CACNA1B: variants seen among roughly 807,000 people sequenced by gnomAD.
CACNA1B encodes the protein calcium voltage-gated channel subunit alpha1 B.
A neutral mutation model predicts 247.2 loss-of-function variants in CACNA1B; 70 were observed. The observed-to-expected ratio is 0.28, with a 90% CI of 0.23 to 0.35. The LOEUF (loss-of-function observed/expected upper bound fraction) is 0.35, where lower values mean the gene tolerates loss of function less well. CACNA1B is among the 10% of genes least tolerant of loss of function. The probability of loss-of-function intolerance (pLI) is 1.00; values close to 1 mark genes in which losing one functional copy is unlikely to be tolerated. For missense variants in CACNA1B, 2,367 were observed against 3,197.4 expected (o/e 0.74, Z 6.26); for synonymous variants, 1,231 against 1,294.4 (o/e 0.95, Z 1.05).
chr9:138,011,667 G>T lies in CACNA1B; in HGVS notation c.2161-1462G>T, dbSNP rs932640519. On this transcript the variant is annotated intron_variant, in intron 17 of 46. Transcript: ENST00000371372. This position sits in a 1 kb window ranked among gnomAD's most constrained non-coding sequence, Gnocchi z 4.2. ...CCCAGAGGGTGGGAAGCTGGATGCAGCCGGATCTGCGAGGAGGGACCTGGG... is the reference window on the plus strand; with the variant it reads ...CCCAGAGGGTGGGAAGCTGGATGCATCCGGATCTGCGAGGAGGGACCTGGG... 2.9e-4 allele frequency among the ~76,000 whole-genome samples: 44 copies of T among 152,204 alleles called. No individual in the cohort carries two copies. Among genetic ancestry groups the T allele is most frequent in the African/African-American group, 1.0e-3 (42 of 41,458 alleles).
At chr9:138,074,826 T>TA (rs1960259348) in intron 34 of CACNA1B, among the ~76,000 whole-genome samples, 1 of 152,232 alleles carries the variant, frequency 6.6e-6, no homozygotes, top group South Asian at 2.1e-4. Context: ...GGCGGTCGGT[T>TA]ATCCTGTTAG....
At chr9:138,001,714 G>T (rs889696523) in intron 15 of CACNA1B, among the ~76,000 whole-genome samples, 1 of 152,002 alleles carries the variant, frequency 6.6e-6, no homozygotes, top group African/African-American at 2.4e-5. Context: ...CAGTATTGCT[G>T]AACATAGGAT....
rs944158605 is a variant in CACNA1B, at chr9:138,012,045, C to T, written c.2161-1084C>T. Among the ~76,000 whole-genome samples, 1 of 152,220 alleles carries T rather than the reference C, an allele frequency of 6.6e-6. No homozygotes were observed. The highest frequency in any genetic ancestry group is 2.4e-5 in the African/African-American group (1 of 41,458). On this transcript the variant is annotated intron_variant, in intron 17 of 46. Transcript: ENST00000371372. This position sits in a 1 kb window ranked among gnomAD's most constrained non-coding sequence, Gnocchi z 4.2. ...TTGGTCTTGTTTAGTGACTTAGGGT[C>T]AGGGCCAGAGGGGGCAGAGGAAACT... is the stretch of plus-strand genomic sequence containing the variant.
intron 26 of CACNA1B, among the ~76,000 whole-genome samples, chr9:138,055,195 C>G (rs1312030953): frequency 5.3e-5 from 8 of 150,594 alleles, no homozygotes; most frequent in Non-Finnish European, 7.4e-5. Context: ...GCTGCTATTG[C>G]AGCTTAATGC....
Position 137,952,498 on chromosome 9 carries a change from C to T in CACNA1B, c.1070+121C>T, listed in dbSNP as rs1269791319. ...CCATGGGTGCCCTCTGTGGTGGTTG[C>T]CCCTGGTGTTCTGGGTTCTGGTAGC... On this transcript the variant is annotated intron_variant, in intron 7 of 46. Coordinates refer to ENST00000371372, the MANE Select transcript of CACNA1B (RefSeq NM_000718.4). The surrounding 1 kb of genome is among the most constrained non-coding windows in gnomAD (Gnocchi z 4.8). 16 of 784,218 alleles carry T rather than the reference C, an allele frequency of 2.0e-5. No individual in the cohort carries two copies. Among genetic ancestry groups the T allele is most frequent in the Middle Eastern group, 2.4e-4 (1 of 4,140 alleles). 48.6% of individuals were successfully genotyped at this position (784,218 alleles called of 1,614,324 possible).
chr9:138,063,960 G>A (rs1259912835), intron 31 of CACNA1B, among the ~76,000 whole-genome samples: 3 of 152,148 alleles, frequency 2.0e-5, no homozygotes, highest in Non-Finnish European at 2.9e-5. Flanking sequence ...TTCACATGTC[G>A]AGGAGCCAGT....
chr9:138,109,792 A>G (rs1277906204), intron 39 of CACNA1B, among the ~76,000 whole-genome samples: 1 of 152,224 alleles, frequency 6.6e-6, no homozygotes, highest in South Asian at 2.1e-4. Context: ...ACACAAGGCC[A>G]GGCGTTGGTG....
chr9:137,878,243 GGGCCGGGC>G, intron 1 of CACNA1B, 26 bp downstream of exon 1: 1 of 1,231,832 alleles, frequency 8.1e-7, no homozygotes, highest in Non-Finnish European at 1.0e-6. Context: ...GGGCCGGGCG[GGGCCGGGC>G]GGGGACCGGG....
Position 137,952,833 on chromosome 9 carries a change from G to A in CACNA1B, c.1070+456G>A, listed in dbSNP as rs537636860. Among the ~76,000 whole-genome samples, 1 of 152,038 alleles carries A rather than the reference G, an allele frequency of 6.6e-6. No homozygotes were observed. Among genetic ancestry groups the A allele is most frequent in the Admixed American group, 6.6e-5 (1 of 15,262 alleles). ...AGATGGAGGTGTGGTCTGGGACAGGGTTTCTGAGCAGCCTCTGTGGCCACA... is the reference window on the plus strand; with the variant it reads ...AGATGGAGGTGTGGTCTGGGACAGGATTTCTGAGCAGCCTCTGTGGCCACA... On this transcript the variant is annotated intron_variant, in intron 7 of 46. Transcript: ENST00000371372. This position sits in a 1 kb window ranked among gnomAD's most constrained non-coding sequence, Gnocchi z 4.8.
At chr9:138,003,549 T>C (rs1297759620) in intron 15 of CACNA1B, among the ~76,000 whole-genome samples, 1 of 152,088 alleles carries the variant, frequency 6.6e-6, no homozygotes, top group Admixed American at 6.6e-5. Context: ...GATATTTAAT[T>C]ACATTAAACT....
intron 10 of CACNA1B, among the ~76,000 whole-genome samples, chr9:137,959,399 A>G (rs1355540145): frequency 6.6e-6 from 1 of 152,188 alleles, no homozygotes; most frequent in African/African-American, 2.4e-5. Context: ...ACAATTTATT[A>G]TATGATTGTG....
intron 6 of CACNA1B, among the ~76,000 whole-genome samples, chr9:137,948,476 G>A (rs995402825): frequency 2.0e-5 from 3 of 151,758 alleles, no homozygotes; most frequent in South Asian, 2.1e-4. Flanking sequence ...TCATTCTCTT[G>A]TTATGCATTT....
chr9:138,070,201 C>G (rs1340197928), intron 32 of CACNA1B, among the ~76,000 whole-genome samples: 1 of 152,214 alleles, frequency 6.6e-6, no homozygotes, highest in Non-Finnish European at 1.5e-5. Flanking sequence ...ATCAAGAAGG[C>G]CCCGCTTTGC....
At chr9:138,046,844 T>A in intron 21 of CACNA1B, 60 bp from the exon 22 acceptor site, 5 of 1,561,040 alleles carry the variant, frequency 3.2e-6, no homozygotes, top group Non-Finnish European at 4.4e-6. Context: ...GCCTGCCCTG[T>A]GGCAAGGGGT....
Position 137,971,611 on chromosome 9 carries a change from C to T in CACNA1B, c.1543+19C>T. On this transcript the variant is annotated intron_variant, in intron 11 of 46. Coordinates refer to ENST00000371372, the MANE Select transcript of CACNA1B (RefSeq NM_000718.4). The surrounding 1 kb of genome is among the most constrained non-coding windows in gnomAD (Gnocchi z 4.4). ...ACCCTGTGTACGTATCCCCGTCCCTCCCTCAGGTGCTTCCTGAGCATCTCT... is the reference window on the plus strand; with the variant it reads ...ACCCTGTGTACGTATCCCCGTCCCTTCCTCAGGTGCTTCCTGAGCATCTCT... 6.3e-7 allele frequency: 1 copy of T among 1,597,484 alleles called. No individual in the cohort carries two copies.
chr9:138,070,730 T>C (rs1286540516), intron 32 of CACNA1B, among the ~76,000 whole-genome samples: 2 of 152,228 alleles, frequency 1.3e-5, no homozygotes, highest in Admixed American at 1.3e-4. Flanking sequence ...AGGCCTCTGC[T>C]CAGCGTCACC....
intron 36 of CACNA1B, among the ~76,000 whole-genome samples, chr9:138,078,843 C>G (rs746690216): frequency 6.6e-6 from 1 of 152,044 alleles, no homozygotes; most frequent in Admixed American, 6.6e-5. Context: ...AGAGCTGGCA[C>G]GATTGATGAT....
chr9:138,067,827 G>C (rs1199873320), intron 31 of CACNA1B, among the ~76,000 whole-genome samples: 8 of 152,238 alleles, frequency 5.3e-5, no homozygotes, highest in Non-Finnish European at 7.3e-5. Context: ...TCCTAGGCAG[G>C]TGTCCCAGAG....
At chr9:137,904,136 G>A (rs190253252) in intron 3 of CACNA1B, among the ~76,000 whole-genome samples, 318 of 152,064 alleles carry the variant, frequency 2.1e-3, no homozygotes, top group South Asian at 0.012. Context: ...TTTGGAAGTC[G>A]GGAGGGGCAC....
Sources: gnomAD v4.1 joint callset for allele counts (sites outside exome capture counted in the v4.1 genomes callset) on GRCh38, gnomAD v4.1.1 for gene constraint, Gnocchi (gnomAD v3.1) non-coding constraint, MANE v1.5 for transcripts, NCBI Gene and HGNC (gene_info 2026-07-23, HGNC 2026-07-21) for gene names.